Variants in KCNN2 observed in about 807,000 individuals in gnomAD.
KCNN2 encodes small conductance calcium-activated potassium channel protein 2.
KCNN2 carries 24 observed loss-of-function variants against 55.5 expected under a neutral mutation model. The ratio of observed to expected loss-of-function variants is 0.43; its 90% confidence interval spans 0.31 to 0.61. The LOEUF (loss-of-function observed/expected upper bound fraction) is 0.61. KCNN2 is among the 20% of genes least tolerant of loss of function. The pLI, the probability that KCNN2 is intolerant of heterozygous loss-of-function variation, is 0.08. For missense variants in KCNN2, 754 were observed against 853.6 expected (o/e 0.88, Z 1.45); for synonymous variants, 431 against 336.1 (o/e 1.28, Z -3.09).
At chr5:114,195,569 T>A (rs189538277) in intron 1 of KCNN2, among the ~76,000 whole-genome samples, 25 of 152,162 alleles carry the variant, frequency 1.6e-4, no homozygotes, top group Admixed American at 9.2e-4. Context: ...TTCATTCTAA[T>A]AGTCTTTTAT....
intron 1 of KCNN2, among the ~76,000 whole-genome samples, chr5:114,181,671 G>A (rs576386577): frequency 4.6e-5 from 7 of 151,868 alleles, no homozygotes; most frequent in South Asian, 2.1e-4. Flanking sequence ...TGTTTGCTTC[G>A]AAATATTTTT....
chr5:114,325,210 A>G (rs1756692673), intron 2 of KCNN2, among the ~76,000 whole-genome samples: 1 of 152,196 alleles, frequency 6.6e-6, no homozygotes, highest in African/African-American at 2.4e-5. Context: ...GAAGAAAGGA[A>G]GAGGAATCAG....
intron 1 of KCNN2, among the ~76,000 whole-genome samples, chr5:114,165,080 C>G (rs1752881074): frequency 1.3e-5 from 2 of 152,230 alleles, no homozygotes; most frequent in Admixed American, 6.5e-5. Context: ...TCCAAGTAGT[C>G]TGGCTTCAGG....
intron 2 of KCNN2, among the ~76,000 whole-genome samples, chr5:114,390,328 A>G (rs1758417056): frequency 6.6e-6 from 1 of 152,186 alleles, no homozygotes; most frequent in South Asian, 2.1e-4. Context: ...TTTATAAACC[A>G]TTAAAATAAG....
intron 2 of KCNN2, among the ~76,000 whole-genome samples, chr5:114,398,335 G>A (rs1303653520): frequency 1.3e-5 from 2 of 152,128 alleles, no homozygotes; most frequent in Non-Finnish European, 2.9e-5. Context: ...GGTTGTAGAT[G>A]TGTCGCATTA....
chr5:114,272,771 C>G (rs1446298130), intron 2 of KCNN2, among the ~76,000 whole-genome samples: 1 of 152,136 alleles, frequency 6.6e-6, no homozygotes, highest in Non-Finnish European at 1.5e-5. Flanking sequence ...AATATTCCAA[C>G]TAGTTTTTAA....
At chr5:114,285,750 G>A (rs1755731879) in intron 2 of KCNN2, among the ~76,000 whole-genome samples, 2 of 152,128 alleles carry the variant, frequency 1.3e-5, no homozygotes, top group African/African-American at 4.8e-5. Flanking sequence ...CTACTGTAGA[G>A]TTGAAGATGG....
intron 3 of KCNN2, 108 bp from the exon 4 acceptor site, chr5:114,462,941 T>C (rs1296685851): frequency 6.9e-6 from 7 of 1,020,754 alleles, no homozygotes; most frequent in Non-Finnish European, 1.0e-5. Context: ...CTTCTAAATA[T>C]AGCAGTTTAT....
chr5:114,110,382 A>G (rs910545741), intron 1 of KCNN2, among the ~76,000 whole-genome samples: 5 of 152,068 alleles, frequency 3.3e-5, no homozygotes, highest in African/African-American at 1.2e-4. Flanking sequence ...CCAGGTGAAG[A>G]CCAGCTCAGG....
At chr5:114,210,102 C>T (rs1228349797) in intron 1 of KCNN2, among the ~76,000 whole-genome samples, 3 of 152,062 alleles carry the variant, frequency 2.0e-5, no homozygotes, top group Non-Finnish European at 4.4e-5. Flanking sequence ...TGGTTAGTAG[C>T]ATAGTTTTTG....
At chr5:114,438,793 C>T (rs977386827) in intron 3 of KCNN2, among the ~76,000 whole-genome samples, 1 of 152,262 alleles carries the variant, frequency 6.6e-6, no homozygotes, top group Non-Finnish European at 1.5e-5. Flanking sequence ...CCCTATTTGC[C>T]TGTCTGAAAA....
At position 114,241,784 on chromosome 5, in the gene KCNN2, GTA is replaced by G. The variant is rs373052579; in HGVS notation, c.-185+20227_-185+20228del. Among the ~76,000 whole-genome samples, 27 of 3,280 alleles carry G rather than the reference GTA, an allele frequency of 8.2e-3. 4 individuals are homozygous for G. The highest frequency in any genetic ancestry group is 0.014 in the African/African-American group (11 of 786). 2.2% of individuals were successfully genotyped at this position (3,280 alleles called of 152,430 possible). On this transcript the variant is annotated intron_variant, in intron 2 of 10. Transcript: ENST00000512097. ...TATACGTATATATATACATATATAC[GTA>G]TATATATGTATATATATACGTATAT...
At chr5:114,394,948 T>G (rs1335100435) in intron 2 of KCNN2, among the ~76,000 whole-genome samples, 2 of 152,228 alleles carry the variant, frequency 1.3e-5, no homozygotes, top group Non-Finnish European at 2.9e-5. Context: ...TTCCTGGCTA[T>G]TCTACTTACT....
intron 2 of KCNN2, among the ~76,000 whole-genome samples, chr5:114,345,709 C>G (rs767779979): frequency 2.6e-5 from 4 of 152,208 alleles, no homozygotes; most frequent in Non-Finnish European, 5.9e-5. Context: ...GTTTAATTGG[C>G]TCACAGTTCT....
At chr5:114,177,013 TTAGAG>T (rs1196401946) in intron 1 of KCNN2, among the ~76,000 whole-genome samples, 3 of 152,308 alleles carry the variant, frequency 2.0e-5, no homozygotes, top group East Asian at 1.9e-4. Flanking sequence ...TGAAAAACTC[TTAGAG>T]TAAATGGTCT....
intron 1 of KCNN2, among the ~76,000 whole-genome samples, chr5:114,151,037 A>C (rs969136402): frequency 6.6e-6 from 1 of 151,964 alleles, no homozygotes; most frequent in Non-Finnish European, 1.5e-5. Context: ...AAACAAACAA[A>C]CAACAACAAA....
At chr5:114,078,114 G>A (rs947597089) in intron 1 of KCNN2, among the ~76,000 whole-genome samples, 2 of 152,066 alleles carry the variant, frequency 1.3e-5, no homozygotes, top group African/African-American at 4.8e-5. Context: ...AAATCAGGGA[G>A]GTCTAGTCAT....
intron 2 of KCNN2, among the ~76,000 whole-genome samples, chr5:114,383,724 T>C (rs996327913): frequency 6.6e-6 from 1 of 152,126 alleles, no homozygotes; most frequent in Non-Finnish European, 1.5e-5. Flanking sequence ...CACCTCAGCC[T>C]CCCAAAGTGC....
At chr5:114,424,662 A>G (rs180833492) in intron 3 of KCNN2, among the ~76,000 whole-genome samples, 14 of 152,330 alleles carry the variant, frequency 9.2e-5, no homozygotes, top group African/African-American at 3.4e-4. Context: ...CTGAGAGGCT[A>G]TCATGTAGCC....
Sources: gnomAD v4.1 joint callset for allele counts (sites outside exome capture counted in the v4.1 genomes callset) on GRCh38, gnomAD v4.1.1 for gene constraint, MANE v1.5 for transcripts, NCBI Gene and HGNC (gene_info 2026-07-23, HGNC 2026-07-21) for gene names.